SCRG1: variants seen among roughly 807,000 people sequenced by gnomAD.
SCRG1 encodes scrapie-responsive protein 1.
SCRG1 carries 3 observed loss-of-function variants against 7.7 expected under a neutral mutation model. That is an observed-to-expected ratio of 0.39 (90% CI 0.18 to 1.01). The LOEUF (loss-of-function observed/expected upper bound fraction) is 1.01, where lower values mean the gene tolerates loss of function less well. Ranked by LOEUF, SCRG1 falls within the 50% of genes least tolerant of loss-of-function variation. The probability of loss-of-function intolerance (pLI) is 0.36; values close to 1 mark genes in which losing one functional copy is unlikely to be tolerated. For missense variants in SCRG1, 110 were observed against 117.2 expected (o/e 0.94, Z 0.28); for synonymous variants, 46 against 41.2 (o/e 1.12, Z -0.44).
At chr4:173,484,150 A>C in the SCRG1 span, among the ~76,000 whole-genome samples, 1 of 61,198 alleles carries the variant, frequency 1.6e-5, no homozygotes, top group South Asian at 5.3e-4. Flanking sequence ...TAGAATATAG[A>C]ATATTTTCTA....
chr4:173,499,195 A>G, the SCRG1 span, among the ~76,000 whole-genome samples: 2 of 152,158 alleles, frequency 1.3e-5, no homozygotes, highest in Non-Finnish European at 2.9e-5. The surrounding 1 kb of genome is among the most constrained non-coding windows in gnomAD (Gnocchi z 4.1). Context: ...GCTAAAAGAG[A>G]TGAAATTATC....
At chr4:173,400,799 G>A (rs1038643882), upstream of SCRG1, among the ~76,000 whole-genome samples, 1 of 152,152 alleles carries the variant, frequency 6.6e-6, no homozygotes, top group African/African-American at 2.4e-5. Context: ...AGAAAATGGC[G>A]AGACCCTGGC....
At chr4:173,398,568 C>T (rs1026258288) in intron 1 of SCRG1, 5 of 152,192 alleles carry the variant, frequency 3.3e-5, no homozygotes, top group Admixed American at 3.3e-4. Context: ...TCAATGAATT[C>T]CCTCTTTGTA....
At chr4:173,430,088 G>A in the SCRG1 span, among the ~76,000 whole-genome samples, 1 of 152,074 alleles carries the variant, frequency 6.6e-6, no homozygotes, top group Non-Finnish European at 1.5e-5. Flanking sequence ...CCCATGAAAG[G>A]CAGAAATTTA....
the SCRG1 span, among the ~76,000 whole-genome samples, chr4:173,506,805 GT>G: frequency 6.6e-6 from 1 of 152,186 alleles, no homozygotes; most frequent in Non-Finnish European, 1.5e-5. The surrounding 1 kb of genome is among the most constrained non-coding windows in gnomAD (Gnocchi z 5.3). Flanking sequence ...CGGGACGGCG[GT>G]GTCTAGTCCA....
At chr4:173,513,756 C>A in the SCRG1 span, among the ~76,000 whole-genome samples, 1 of 152,162 alleles carries the variant, frequency 6.6e-6, no homozygotes, top group African/African-American at 2.4e-5. Context: ...ACAGATAAAA[C>A]TGGAGCAACC....
chr4:173,496,767 A>C, the SCRG1 span, among the ~76,000 whole-genome samples: 1 of 152,208 alleles, frequency 6.6e-6, no homozygotes, highest in African/African-American at 2.4e-5. Flanking sequence ...CCCAGGGAGA[A>C]GGTTTAATAT....
In SCRG1 at chr4:173,388,279, T is replaced by A; in HGVS notation, c.*62A>T. ...TATATAGAAACTAGAAATGCAGTTA[T>A]ACTGATGTAGTGCAGTTTGTGGGAA... On this transcript the variant is annotated 3_prime_UTR_variant, in exon 3 of 3. Transcript: ENST00000296506. 1 of 1,143,558 alleles carries A rather than the reference T, an allele frequency of 8.7e-7. No homozygotes were observed. Among genetic ancestry groups the A allele is most frequent in the Non-Finnish European group, 1.3e-6 (1 of 765,474 alleles). 70.8% of individuals were successfully genotyped at this position (1,143,558 alleles called of 1,614,324 possible).
the SCRG1 span, among the ~76,000 whole-genome samples, chr4:173,483,988 A>C: frequency 3.3e-5 from 2 of 60,138 alleles, no homozygotes; most frequent in East Asian, 1.1e-3. Context: ...ATAGTATATT[A>C]TATATGATAT....
At chr4:173,447,590 A>C in the SCRG1 span, among the ~76,000 whole-genome samples, 178 of 152,372 alleles carry the variant, frequency 1.2e-3, 1 homozygote, top group Admixed American at 8.0e-3. Flanking sequence ...ACAAACTACC[A>C]CATTTCAAAT....
chr4:173,433,927 C>T, the SCRG1 span, among the ~76,000 whole-genome samples: 13 of 152,374 alleles, frequency 8.5e-5, no homozygotes, highest in African/African-American at 2.6e-4. Flanking sequence ...AAACTCCAAC[C>T]TCTTCCCTAA....
At chr4:173,429,454 G>A in the SCRG1 span, among the ~76,000 whole-genome samples, 2 of 152,056 alleles carry the variant, frequency 1.3e-5, no homozygotes, top group African/African-American at 4.8e-5. Context: ...CACCATGCCT[G>A]GCTAATTTTA....
chr4:173,412,265 C>T, the SCRG1 span, among the ~76,000 whole-genome samples: 1 of 152,160 alleles, frequency 6.6e-6, no homozygotes, highest in African/African-American at 2.4e-5. Context: ...AACATCATGC[C>T]TGTGTGTATT....
chr4:173,419,181 C>CT, the SCRG1 span: 1,118 of 345,094 alleles, frequency 3.2e-3, 9 homozygotes, highest in African/African-American at 0.016. Context: ...CCTCTTCCAT[C>CT]TTTTTTTTCT....
chr4:173,501,836 C>T, the SCRG1 span, among the ~76,000 whole-genome samples: 1 of 152,160 alleles, frequency 6.6e-6, no homozygotes, highest in Non-Finnish European at 1.5e-5. The surrounding 1 kb of genome is among the most constrained non-coding windows in gnomAD (Gnocchi z 5.1). Context: ...CACACAGGAA[C>T]CACCGCGCGT....
the SCRG1 span, among the ~76,000 whole-genome samples, chr4:173,462,600 T>G: frequency 6.6e-6 from 1 of 152,028 alleles, no homozygotes; most frequent in Non-Finnish European, 1.5e-5. Context: ...TAATGAGCCA[T>G]AAATAATCAC....
the SCRG1 span, chr4:173,420,170 A>G: frequency 2.1e-6 from 1 of 478,382 alleles, no homozygotes; most frequent in Middle Eastern, 7.2e-4. Context: ...CCGTGGCTCA[A>G]CAGAGACCTT....
At chr4:173,463,522 C>T in the SCRG1 span, among the ~76,000 whole-genome samples, 1 of 152,070 alleles carries the variant, frequency 6.6e-6, no homozygotes, top group African/African-American at 2.4e-5. Context: ...GATCTGCCCA[C>T]CTTGGTTTTT....
the SCRG1 span, among the ~76,000 whole-genome samples, chr4:173,504,427 A>G: frequency 6.6e-6 from 1 of 152,140 alleles, no homozygotes; most frequent in Non-Finnish European, 1.5e-5. The surrounding 1 kb of genome is among the most constrained non-coding windows in gnomAD (Gnocchi z 4.7). Flanking sequence ...TCCCAGCCCC[A>G]GTGGGTAGAA....
Sources: gnomAD v4.1 joint callset for allele counts (sites outside exome capture counted in the v4.1 genomes callset) on GRCh38, gnomAD v4.1.1 for gene constraint, Gnocchi (gnomAD v3.1) non-coding constraint, MANE v1.5 for transcripts, NCBI Gene and HGNC (gene_info 2026-07-23, HGNC 2026-07-21) for gene names.